POMT1: variants seen among roughly 807,000 people sequenced by gnomAD.
The protein encoded by POMT1 is protein O-mannosyltransferase 1.
POMT1 carries 85 observed loss-of-function variants against 101.6 expected under a neutral mutation model. The observed-to-expected ratio is 0.84, with a 90% confidence interval of 0.70 to 1.00. The LOEUF (loss-of-function observed/expected upper bound fraction) is 1.00, where lower values mean the gene tolerates loss of function less well. POMT1 is among the 50% of genes least tolerant of loss of function. The pLI is 0.00. For missense variants in POMT1, 857 were observed against 930.4 expected (o/e 0.92, Z 1.03); for synonymous variants, 371 against 383.0 (o/e 0.97, Z 0.37).
intron 13 of POMT1, 33 bp downstream of exon 13, chr9:131,515,555 C>G: frequency 6.3e-7 from 1 of 1,592,404 alleles, no homozygotes; most frequent in Non-Finnish European, 8.6e-7. Flanking sequence ...CAGCCACAAC[C>G]GTCAGTAATG....
At position 131,522,266 on chromosome 9, in the gene POMT1, C is replaced by T; in HGVS notation, c.2003+42C>T. ...GACAGTGGCTGGACCGGGCAGCAGCCCTCTGCTGGGAAGCCCATGCGCAGC... is the reference window on the plus strand; with the variant it reads ...GACAGTGGCTGGACCGGGCAGCAGCTCTCTGCTGGGAAGCCCATGCGCAGC... On this transcript the variant is annotated intron_variant, in intron 19 of 19. Transcript: ENST00000402686. The surrounding 1 kb of genome is among the most constrained non-coding windows in gnomAD (Gnocchi z 5.5). 1.2e-6 allele frequency: 2 copies of T among 1,608,736 alleles called. No individual in the cohort carries two copies. The highest frequency in any genetic ancestry group is 1.7e-6 in the Non-Finnish European group (2 of 1,179,874).
intron 5 of POMT1, among the ~76,000 whole-genome samples, chr9:131,507,721 G>A (rs913879965): frequency 2.0e-5 from 3 of 152,156 alleles, no homozygotes; most frequent in East Asian, 1.9e-4. Context: ...ATCAGCAGTC[G>A]GGGTATGGCA....
At chr9:131,509,864 C>T in intron 7 of POMT1, 39 bp from the exon 8 acceptor site, 3 of 1,614,176 alleles carry the variant, frequency 1.9e-6, no homozygotes, top group Non-Finnish European at 2.5e-6. Flanking sequence ...TTATGTTTTC[C>T]TGTCTCATGT....
intron 12 of POMT1, among the ~76,000 whole-genome samples, chr9:131,514,308 A>C (rs1348398705): frequency 1.3e-5 from 2 of 150,316 alleles, no homozygotes; most frequent in Non-Finnish European, 3.0e-5. Context: ...GACACACTTC[A>C]CCCCCGCCAC....
intron 1 of POMT1, 81 bp from the exon 2 acceptor site, chr9:131,504,108 T>G (rs1368663853): frequency 1.3e-6 from 2 of 1,541,712 alleles, no homozygotes; most frequent in African/African-American, 2.7e-5. Flanking sequence ...TCCTCGTGTG[T>G]CCGGGAGCCG....
Position 131,519,022 on chromosome 9 carries a change from C to T in POMT1, c.1486+65C>T, listed in dbSNP as rs1039005042. ...CTTTCAGCTGCTCAATATTTGATAACACCCCAGAGTTCTCATTTTGGTGGG... is the reference window on the plus strand; with the variant it reads ...CTTTCAGCTGCTCAATATTTGATAATACCCCAGAGTTCTCATTTTGGTGGG... On this transcript the variant is annotated intron_variant, in intron 15 of 19. Coordinates refer to ENST00000402686, the MANE Select transcript of POMT1 (RefSeq NM_001077365.2). This position sits in a 1 kb window ranked among gnomAD's most constrained non-coding sequence, Gnocchi z 4.3. 2 of 1,606,866 alleles carry T rather than the reference C, an allele frequency of 1.2e-6. No individual in the cohort carries two copies. Among genetic ancestry groups the T allele is most frequent in the Non-Finnish European group, 1.7e-6 (2 of 1,178,972 alleles).
intron 17 of POMT1, among the ~76,000 whole-genome samples, chr9:131,520,703 G>A (rs1381215099): frequency 1.3e-5 from 2 of 152,262 alleles, no homozygotes; most frequent in Non-Finnish European, 2.9e-5. Flanking sequence ...CAGGCCCAGA[G>A]GCCGCCCCAC....
At chr9:131,508,863 T>C in intron 5 of POMT1, 48 bp from the exon 6 acceptor site, 1 of 1,355,956 alleles carries the variant, frequency 7.4e-7, no homozygotes, top group Non-Finnish European at 1.1e-6. Flanking sequence ...TCCTCATACG[T>C]TTTCCCTTGC....
In POMT1 at chr9:131,519,038, T is replaced by C; in HGVS notation, c.1486+81T>C. 1 of 1,595,782 alleles carries C rather than the reference T, an allele frequency of 6.3e-7. No individual in the cohort carries two copies. The highest frequency in any genetic ancestry group is 8.5e-7 in the Non-Finnish European group (1 of 1,174,294). On this transcript the variant is annotated intron_variant, in intron 15 of 19. Transcript: ENST00000402686. This position sits in a 1 kb window ranked among gnomAD's most constrained non-coding sequence, Gnocchi z 4.3. ...ATTTGATAACACCCCAGAGTTCTCA[T>C]TTTGGTGGGAAGGGAACTGAGCACA...
At chr9:131,515,156 C>T (rs1163336242) in intron 12 of POMT1, among the ~76,000 whole-genome samples, 1 of 152,206 alleles carries the variant, frequency 6.6e-6, no homozygotes, top group Non-Finnish European at 1.5e-5. Context: ...AAACTTGGTT[C>T]GCTCGTCTAA....
intron 6 of POMT1, 85 bp downstream of exon 6, chr9:131,509,107 TTGTTTC>T: frequency 2.1e-6 from 2 of 954,946 alleles, no homozygotes; most frequent in Non-Finnish European, 3.4e-6. Context: ...GTACCTTTTT[TTGTTTC>T]GTTTTGTGAG....
rs115947537 is a variant in POMT1, at chr9:131,506,796, C to T, written c.280+343C>T. 1,708 of 364,892 alleles carry T rather than the reference C, an allele frequency of 4.7e-3. 30 individuals are homozygous for T. The highest frequency in any genetic ancestry group is 0.033 in the African/African-American group (1,559 of 47,532). The allele number at this position is 364,892 out of a possible 1,614,324, so 22.6% of individuals were successfully genotyped here. ...GAAAATAGGGAGGGTAGGCCGGGCG[C>T]GCTGGCTCACGCCTGTAATCCTGGC... is the stretch of plus-strand genomic sequence containing the variant. On this transcript the variant is annotated intron_variant, in intron 4 of 19. Transcript: ENST00000402686.
chr9:131,506,282 C>T (rs1945797321), intron 3 of POMT1, 62 bp downstream of exon 3: 1 of 1,580,172 alleles, frequency 6.3e-7, no homozygotes, highest in Non-Finnish European at 8.7e-7. Flanking sequence ...TAAAACTTAT[C>T]AGTGCATTTC....
intron 10 of POMT1, 96 bp from the exon 11 acceptor site, chr9:131,511,945 A>T: frequency 7.7e-7 from 1 of 1,298,096 alleles, no homozygotes; most frequent in Non-Finnish European, 1.1e-6. Flanking sequence ...TCCTGGGCTC[A>T]AGCAGTTATC....
chr9:131,513,443 T>C, intron 12 of POMT1, 112 bp downstream of exon 12: 3 of 973,350 alleles, frequency 3.1e-6, no homozygotes, highest in Non-Finnish European at 3.2e-6. Flanking sequence ...CTACCCATCA[T>C]CTGCATGTGT....
In POMT1 at chr9:131,519,018, A is replaced by G. The variant is rs888285096; in HGVS notation, c.1486+61A>G. Reference sequence around the variant, plus strand: ...TGTACTTTCAGCTGCTCAATATTTGATAACACCCCAGAGTTCTCATTTTGG... The same window carrying G: ...TGTACTTTCAGCTGCTCAATATTTGGTAACACCCCAGAGTTCTCATTTTGG... On this transcript the variant is annotated intron_variant, in intron 15 of 19. Transcript: ENST00000402686. This position sits in a 1 kb window ranked among gnomAD's most constrained non-coding sequence, Gnocchi z 4.3. 2.5e-6 allele frequency: 4 copies of G among 1,608,028 alleles called. No homozygotes were observed. Among genetic ancestry groups the G allele is most frequent in the African/African-American group, 2.7e-5 (2 of 74,954 alleles).
rs113628769 is a variant in POMT1 at position 131,518,375 on chromosome 9, C to T, written c.1273-70C>T. On this transcript the variant is annotated intron_variant, in intron 13 of 19. Transcript: ENST00000402686. ...TCAAGTCAGTATCATTGTTTGGTGA[C>T]AGGTCTTTATTTTTACATTGAAGGA... 8,113 of 1,251,100 alleles carry T rather than the reference C, an allele frequency of 6.5e-3. 181 individuals carry two copies. In the African/African-American group the frequency reaches 0.067, roughly 10 times the overall value. The allele number at this position is 1,251,100 out of a possible 1,614,324, so 77.5% of individuals were successfully genotyped here. A position where few individuals can be genotyped will look rare whatever the true frequency, so the allele number is the denominator to read the frequency against.
At chr9:131,518,355 T>G (rs1564375931) in intron 13 of POMT1, 90 bp from the exon 14 acceptor site, 1 of 1,086,212 alleles carries the variant, frequency 9.2e-7, no homozygotes, top group Non-Finnish European at 1.4e-6. Flanking sequence ...CAGGCTCAAG[T>G]CAGTATCATT....
chr9:131,508,750 GA>G (rs1323276768), intron 5 of POMT1, among the ~76,000 whole-genome samples, 160 bp from the exon 6 acceptor site: 1 of 152,226 alleles, frequency 6.6e-6, no homozygotes, highest in Non-Finnish European at 1.5e-5. Context: ...ATTGGGTGAT[GA>G]CTGTATGAGG....
Sources: gnomAD v4.1 joint callset for allele counts (sites outside exome capture counted in the v4.1 genomes callset) on GRCh38, gnomAD v4.1.1 for gene constraint, Gnocchi (gnomAD v3.1) non-coding constraint, MANE v1.5 for transcripts, NCBI Gene and HGNC (gene_info 2026-07-23, HGNC 2026-07-21) for gene names.